The following GALNT13 variants were observed in gnomAD, a reference collection of about 807,000 sequenced individuals.
The protein encoded by GALNT13 is polypeptide N-acetylgalactosaminyltransferase 13.
GALNT13 carries 28 observed loss-of-function variants against 64.2 expected under a neutral mutation model. The observed-to-expected ratio is 0.44, with a 90% confidence interval of 0.32 to 0.60. GALNT13 has a LOEUF of 0.60. Among genes scored for constraint, GALNT13 ranks in the 20% least tolerant of loss-of-function variants. The pLI, the probability that GALNT13 is intolerant of heterozygous loss-of-function variation, is 0.05. For missense variants in GALNT13, 577 were observed against 669.8 expected (o/e 0.86, Z 1.53); for synonymous variants, 214 against 224.6 (o/e 0.95, Z 0.42).
the GALNT13 span, among the ~76,000 whole-genome samples, chr2:153,802,163 A>C: frequency 1.3e-5 from 2 of 152,196 alleles, no homozygotes. Context: ...AAGTTTTCTT[A>C]GAAATCATGA....
At chr2:153,286,416 A>G in the GALNT13 span, among the ~76,000 whole-genome samples, 935 of 152,282 alleles carry the variant, frequency 6.1e-3, 32 homozygotes, top group Admixed American at 0.048. Flanking sequence ...AACACAGAGA[A>G]CCTAAATATG....
chr2:154,354,878 G>A (rs908676952), intron 9 of GALNT13, among the ~76,000 whole-genome samples: 1 of 151,890 alleles, frequency 6.6e-6, no homozygotes, highest in Admixed American at 6.6e-5. Flanking sequence ...TCATGTCAGG[G>A]TTCTTCTACT....
At chr2:153,608,764 TTTA>T in the GALNT13 span, among the ~76,000 whole-genome samples, 1 of 147,768 alleles carries the variant, frequency 6.8e-6, no homozygotes, top group Admixed American at 6.8e-5. Flanking sequence ...AGTAAATAAT[TTTA>T]TATCTGATAT....
chr2:153,819,469 C>T, the GALNT13 span, among the ~76,000 whole-genome samples: 1 of 152,198 alleles, frequency 6.6e-6, no homozygotes, highest in Non-Finnish European at 1.5e-5. Flanking sequence ...CTTCAGTGCA[C>T]TTCACCAAGG....
chr2:153,303,972 A>G, the GALNT13 span, among the ~76,000 whole-genome samples: 2 of 151,904 alleles, frequency 1.3e-5, no homozygotes, highest in South Asian at 2.1e-4. Flanking sequence ...TTCAGAAACT[A>G]CTATTCTCAG....
chr2:154,337,695 G>A (rs890552246), intron 9 of GALNT13, among the ~76,000 whole-genome samples: 1 of 151,968 alleles, frequency 6.6e-6, no homozygotes, highest in African/African-American at 2.4e-5. Context: ...GCCATATACA[G>A]TAAATATTAA....
chr2:154,217,576 A>G (rs996154621), intron 4 of GALNT13, among the ~76,000 whole-genome samples: 1 of 152,140 alleles, frequency 6.6e-6, no homozygotes, highest in Admixed American at 6.6e-5. Context: ...TTTATAGACC[A>G]TGCTGACGTT....
chr2:153,652,571 C>T, the GALNT13 span, among the ~76,000 whole-genome samples: 2 of 151,960 alleles, frequency 1.3e-5, no homozygotes, highest in African/African-American at 2.4e-5. Flanking sequence ...GCTGAAATTG[C>T]GCCACTGCAC....
the GALNT13 span, among the ~76,000 whole-genome samples, chr2:153,139,432 G>T: frequency 6.6e-6 from 1 of 152,002 alleles, no homozygotes; most frequent in Non-Finnish European, 1.5e-5. Context: ...AGTAGAGCAT[G>T]ATAAGATTTA....
chr2:154,086,277 T>C (rs1483688720), intron 3 of GALNT13, among the ~76,000 whole-genome samples: 2 of 147,768 alleles, frequency 1.4e-5, no homozygotes, highest in Non-Finnish European at 3.0e-5. Flanking sequence ...GTAGTCCTCC[T>C]TCCCCACACT....
intron 3 of GALNT13, among the ~76,000 whole-genome samples, chr2:154,069,515 T>C (rs1466359248): frequency 6.6e-6 from 1 of 151,984 alleles, no homozygotes; most frequent in East Asian, 1.9e-4. Context: ...ATGGAGATCA[T>C]CTATAAATTT....
At chr2:154,291,074 C>A (rs1390591700) in intron 8 of GALNT13, among the ~76,000 whole-genome samples, 1 of 152,068 alleles carries the variant, frequency 6.6e-6, no homozygotes, top group African/African-American at 2.4e-5. Context: ...AAGAACAAAC[C>A]TTCCACAGCG....
At chr2:154,014,753 C>T (rs1445815784) in intron 3 of GALNT13, among the ~76,000 whole-genome samples, 1 of 150,252 alleles carries the variant, frequency 6.7e-6, no homozygotes, top group East Asian at 2.0e-4. Flanking sequence ...CTGCCTCAGC[C>T]TCCCCAGTAG....
the GALNT13 span, among the ~76,000 whole-genome samples, chr2:153,289,789 G>A: frequency 2.0e-5 from 3 of 152,034 alleles, no homozygotes; most frequent in Non-Finnish European, 1.5e-5. Flanking sequence ...ACATTTCTGG[G>A]GTCCAACTTA....
At chr2:153,533,378 A>G in the GALNT13 span, among the ~76,000 whole-genome samples, 1 of 151,970 alleles carries the variant, frequency 6.6e-6, no homozygotes, top group African/African-American at 2.4e-5. Context: ...CAGCCTCACA[A>G]GTAGCTGGGA....
chr2:153,397,635 G>A, the GALNT13 span, among the ~76,000 whole-genome samples: 1 of 150,980 alleles, frequency 6.6e-6, no homozygotes, highest in Admixed American at 6.6e-5. Flanking sequence ...GGGAAGGAAT[G>A]TCTATGAAGG....
chr2:154,125,880 C>A (rs1240167812), intron 3 of GALNT13, among the ~76,000 whole-genome samples: 5 of 152,080 alleles, frequency 3.3e-5, no homozygotes, highest in African/African-American at 1.2e-4. Context: ...AGGAAAAAAT[C>A]TTTTTATAAG....
chr2:153,497,289 T>C, the GALNT13 span, among the ~76,000 whole-genome samples: 1 of 152,032 alleles, frequency 6.6e-6, no homozygotes, highest in Non-Finnish European at 1.5e-5. Context: ...ACCTCAAGTA[T>C]ATAAGTTTTT....
chr2:154,044,246 A>G (rs148553875), intron 3 of GALNT13, among the ~76,000 whole-genome samples: 17 of 152,306 alleles, frequency 1.1e-4, no homozygotes, highest in African/African-American at 3.8e-4. Context: ...AGCCCAAGCC[A>G]TAGAAGTAAG....
Sources: gnomAD v4.1 joint callset for allele counts (sites outside exome capture counted in the v4.1 genomes callset) on GRCh38, gnomAD v4.1.1 for gene constraint, MANE v1.5 for transcripts, NCBI Gene and HGNC (gene_info 2026-07-23, HGNC 2026-07-21) for gene names.